Variants in LOC128092252 observed in about 807,000 individuals in gnomAD.
chr15:50,664,378 A>G, the LOC128092252 span, among the ~76,000 whole-genome samples: 1 of 152,198 alleles, frequency 6.6e-6, no homozygotes, highest in East Asian at 1.9e-4. Context: ...TTTCTAATAT[A>G]AATACCTAAA....
the LOC128092252 span, among the ~76,000 whole-genome samples, chr15:50,682,365 G>C: frequency 6.6e-6 from 1 of 151,554 alleles, no homozygotes; most frequent in Non-Finnish European, 1.5e-5. Context: ...AGAGCATGAG[G>C]TCAAGAGATC....
At chr15:50,672,073 T>C in the LOC128092252 span, among the ~76,000 whole-genome samples, 4 of 152,070 alleles carry the variant, frequency 2.6e-5, no homozygotes, top group Non-Finnish European at 5.9e-5. Context: ...TTTTTGTTTT[T>C]TGAGACGGAG....
the LOC128092252 span, among the ~76,000 whole-genome samples, chr15:50,677,756 A>AAC: frequency 6.7e-6 from 1 of 150,288 alleles, no homozygotes; most frequent in Non-Finnish European, 1.5e-5. Context: ...AAAAAAAAAA[A>AAC]AAAACAAAAG....
At chr15:50,679,098 T>C in the LOC128092252 span, among the ~76,000 whole-genome samples, 1 of 150,340 alleles carries the variant, frequency 6.7e-6, no homozygotes, top group Non-Finnish European at 1.5e-5. Context: ...GGTCTCGATC[T>C]CTTGACCTGG....
the LOC128092252 span, among the ~76,000 whole-genome samples, chr15:50,685,029 A>G: frequency 1.3e-5 from 2 of 152,258 alleles, no homozygotes; most frequent in Admixed American, 6.5e-5. Flanking sequence ...GTATCCATAA[A>G]TGACATTTGT....
At chr15:50,655,000 CAA>C in the LOC128092252 span, among the ~76,000 whole-genome samples, 2 of 69,442 alleles carry the variant, frequency 2.9e-5, no homozygotes, top group Non-Finnish European at 2.7e-5. Context: ...CACTCCGTCT[CAA>C]AAAAAAAAAA....
chr15:50,682,583 A>C, the LOC128092252 span, among the ~76,000 whole-genome samples: 8 of 152,106 alleles, frequency 5.3e-5, no homozygotes, highest in Non-Finnish European at 1.2e-4. Context: ...TCTCAAAAAA[A>C]AAAAAAAAAT....
At chr15:50,655,593 A>G in the LOC128092252 span, among the ~76,000 whole-genome samples, 3 of 152,220 alleles carry the variant, frequency 2.0e-5, no homozygotes, top group Non-Finnish European at 2.9e-5. Flanking sequence ...AAAAATATTT[A>G]AAGTAGCTAG....
the LOC128092252 span, among the ~76,000 whole-genome samples, chr15:50,653,864 G>T: frequency 6.6e-6 from 1 of 152,116 alleles, no homozygotes; most frequent in Non-Finnish European, 1.5e-5. Context: ...CTGTGTGTGG[G>T]TCTGTGAACG....
the LOC128092252 span, among the ~76,000 whole-genome samples, chr15:50,657,309 G>A: frequency 5.9e-5 from 9 of 152,150 alleles, no homozygotes; most frequent in Non-Finnish European, 1.2e-4. Context: ...GGGTAACAGA[G>A]CAAGACTCCG....
chr15:50,656,001 G>T, the LOC128092252 span, among the ~76,000 whole-genome samples: 8 of 93,870 alleles, frequency 8.5e-5, no homozygotes, highest in Non-Finnish European at 1.7e-4. Flanking sequence ...CTCAAAAAAA[G>T]AAAAAAACAA....
chr15:50,650,608 T>C, the LOC128092252 span, among the ~76,000 whole-genome samples: 2 of 151,742 alleles, frequency 1.3e-5, no homozygotes, highest in Non-Finnish European at 2.9e-5. Context: ...GGCAGGAGAA[T>C]CGCTTGAACC....
chr15:50,656,559 C>G, the LOC128092252 span, among the ~76,000 whole-genome samples: 4 of 149,374 alleles, frequency 2.7e-5, no homozygotes, highest in African/African-American at 9.9e-5. Flanking sequence ...TGGTCTCAAA[C>G]TCCTAGGCTC....
At chr15:50,649,022 G>A in the LOC128092252 span, 1 of 544,086 alleles carries the variant, frequency 1.8e-6, no homozygotes, top group African/African-American at 1.9e-5. Context: ...TAAGCTTTTT[G>A]ATTTTAGGAT....
the LOC128092252 span, among the ~76,000 whole-genome samples, chr15:50,655,863 G>A: frequency 1.3e-5 from 2 of 152,074 alleles, no homozygotes; most frequent in Non-Finnish European, 2.9e-5. Flanking sequence ...GGTGGTGTGT[G>A]CCTGTAATCC....
the LOC128092252 span, among the ~76,000 whole-genome samples, chr15:50,656,645 TTTTG>T: frequency 9.2e-5 from 14 of 152,062 alleles, no homozygotes; most frequent in Non-Finnish European, 1.9e-4. Context: ...CTGTCAGGTT[TTTTG>T]TTTTTGTTTT....
At chr15:50,679,638 C>T in the LOC128092252 span, among the ~76,000 whole-genome samples, 1 of 148,582 alleles carries the variant, frequency 6.7e-6, no homozygotes, top group Non-Finnish European at 1.5e-5. Flanking sequence ...TGGATTCAAC[C>T]AATTCTCATG....
At chr15:50,653,996 T>C in the LOC128092252 span, among the ~76,000 whole-genome samples, 1 of 152,288 alleles carries the variant, frequency 6.6e-6, no homozygotes, top group African/African-American at 2.4e-5. Flanking sequence ...GTCCACATCC[T>C]AGGACTAAGT....
the LOC128092252 span, among the ~76,000 whole-genome samples, chr15:50,651,162 G>A: frequency 6.6e-6 from 1 of 152,142 alleles, no homozygotes; most frequent in Admixed American, 6.6e-5. Context: ...ACTCCAGCCT[G>A]GGTGACACAG....
Sources: gnomAD v4.1 joint callset for allele counts (sites outside exome capture counted in the v4.1 genomes callset) on GRCh38, gnomAD v4.1.1 for gene constraint, MANE v1.5 for transcripts.